The following ERBB4 variants were observed in gnomAD, a reference collection of about 807,000 sequenced individuals.
ERBB4 encodes the protein erb-b2 receptor tyrosine kinase 4.
ERBB4 carries 42 observed loss-of-function variants against 158.0 expected under a neutral mutation model. The ratio of observed to expected loss-of-function variants is 0.27; its 90% CI spans 0.21 to 0.34. ERBB4 has a LOEUF of 0.34. Among genes scored for constraint, ERBB4 ranks in the 10% least tolerant of loss-of-function variants. ERBB4 has a pLI of 1.00. For synonymous variants in ERBB4, 583 were observed against 558.7 expected (o/e 1.04, Z -0.61); for missense variants, 1,333 against 1,624.1 (o/e 0.82, Z 3.08).
At chr2:211,809,208 TG>T (rs2076691150) in intron 3 of ERBB4, among the ~76,000 whole-genome samples, 1 of 152,210 alleles carries the variant, frequency 6.6e-6, no homozygotes, top group East Asian at 1.9e-4. Context: ...CTTCATAAAA[TG>T]AATTAGGGAG....
intron 3 of ERBB4, among the ~76,000 whole-genome samples, chr2:211,932,976 T>C (rs1446556411): frequency 6.6e-6 from 1 of 152,008 alleles, no homozygotes; most frequent in Non-Finnish European, 1.5e-5. Context: ...CATAAAACGA[T>C]TGAATAGTTA....
intron 2 of ERBB4, among the ~76,000 whole-genome samples, chr2:211,964,718 C>T (rs187236412): frequency 3.9e-5 from 6 of 152,178 alleles, no homozygotes; most frequent in Admixed American, 3.9e-4. Flanking sequence ...CCTCAAATCC[C>T]TGTTAGAAAG....
chr2:211,697,557 A>T (rs2073070421), intron 12 of ERBB4, among the ~76,000 whole-genome samples: 1 of 152,192 alleles, frequency 6.6e-6, no homozygotes, highest in Non-Finnish European at 1.5e-5. Flanking sequence ...TTAATTTGTA[A>T]ATAGTTCTTT....
chr2:212,351,270 A>G (rs2089241007), intron 1 of ERBB4, among the ~76,000 whole-genome samples: 1 of 152,166 alleles, frequency 6.6e-6, no homozygotes, highest in Non-Finnish European at 1.5e-5. Context: ...AGCTACCCAC[A>G]AGACACAAGA....
At chr2:211,908,277 A>G (rs1420629697) in intron 3 of ERBB4, among the ~76,000 whole-genome samples, 2 of 151,810 alleles carry the variant, frequency 1.3e-5, no homozygotes, top group African/African-American at 2.4e-5. Flanking sequence ...TTCTGCAATT[A>G]GTTGATTTTC....
intron 20 of ERBB4, among the ~76,000 whole-genome samples, chr2:211,449,098 T>A (rs2125472332): frequency 6.6e-6 from 1 of 152,274 alleles, no homozygotes. Context: ...GTGTACCTCC[T>A]ACAAGAAGCT....
At chr2:211,801,051 T>C (rs983020732) in intron 3 of ERBB4, among the ~76,000 whole-genome samples, 1 of 152,214 alleles carries the variant, frequency 6.6e-6, no homozygotes, top group Non-Finnish European at 1.5e-5. Flanking sequence ...TATTCAAATG[T>C]GTAGGGCATT....
rs148980316 is a variant in ERBB4 at position 212,063,727 on chromosome 2, T to C, written c.234+61025A>G. Among the ~76,000 whole-genome samples the C allele has an allele frequency of 8.4e-4, 128 of 152,176 alleles. 1 individual carries two copies. Among genetic ancestry groups the C allele is most frequent in the Middle Eastern group, 3.4e-3 (1 of 294 alleles). On this transcript the variant is annotated intron_variant, in intron 2 of 27. Transcript: ENST00000342788. Reference sequence around the variant, plus strand: ...AATCAACGAAATAAACAAAAAGCCATAAATAGGTTAAATATAGGAACTATC... The same window carrying C: ...AATCAACGAAATAAACAAAAAGCCACAAATAGGTTAAATATAGGAACTATC...
chr2:212,403,799 G>A (rs939190270), intron 1 of ERBB4, among the ~76,000 whole-genome samples: 27 of 151,984 alleles, frequency 1.8e-4, no homozygotes, highest in Admixed American at 1.6e-3. Flanking sequence ...AAATTCTAAA[G>A]TTAATAATAA....
chr2:211,807,952 T>C (rs2076659169), intron 3 of ERBB4, among the ~76,000 whole-genome samples: 1 of 152,240 alleles, frequency 6.6e-6, no homozygotes, highest in Non-Finnish European at 1.5e-5. Flanking sequence ...TCATATCCTT[T>C]GCCCACTTTT....
chr2:212,318,185 C>A (rs1574668095), intron 1 of ERBB4, among the ~76,000 whole-genome samples: 1 of 151,490 alleles, frequency 6.6e-6, no homozygotes, highest in African/African-American at 2.4e-5. Context: ...GAGGGAAAGG[C>A]AGCCCTCAAA....
chr2:212,306,707 C>T (rs1280788864), intron 1 of ERBB4, among the ~76,000 whole-genome samples: 2 of 76,618 alleles, frequency 2.6e-5, no homozygotes, highest in East Asian at 9.4e-4. Flanking sequence ...ACATTTGGTG[C>T]TGCCACTTAT....
At position 211,657,748 on chromosome 2, in the gene ERBB4, T is replaced by C; in HGVS notation, c.1946+6A>G. Reference sequence around the variant, plus strand: ...AGCGACAAAATGGAAACATGGTAGATGTTACCTAGCATGTTGTGGTAAAGT... The same window carrying C: ...AGCGACAAAATGGAAACATGGTAGACGTTACCTAGCATGTTGTGGTAAAGT... On this transcript the variant is annotated splice_donor_region_variant and intron_variant, in intron 16 of 27. Coordinates refer to ENST00000342788, the MANE Select transcript of ERBB4 (RefSeq NM_005235.3). 7 of 1,608,740 alleles carry C rather than the reference T, an allele frequency of 4.4e-6. No individual in the cohort carries two copies. Among genetic ancestry groups the C allele is most frequent in the African/African-American group, 1.3e-5 (1 of 74,946 alleles).
At chr2:212,268,132 A>G (rs1383344723) in intron 1 of ERBB4, among the ~76,000 whole-genome samples, 1 of 151,888 alleles carries the variant, frequency 6.6e-6, no homozygotes, top group Non-Finnish European at 1.5e-5. Context: ...ACAAAAGCTG[A>G]GGCAGTTTGG....
intron 12 of ERBB4, among the ~76,000 whole-genome samples, chr2:211,695,168 T>C (rs567719338): frequency 8.5e-5 from 13 of 152,308 alleles, no homozygotes; most frequent in African/African-American, 2.9e-4. Context: ...TGATATACCT[T>C]CCATTCCCTA....
intron 25 of ERBB4, 135 bp from the exon 26 acceptor site, chr2:211,388,127 T>C: frequency 1.4e-6 from 1 of 718,468 alleles, no homozygotes; most frequent in Non-Finnish European, 2.5e-6. Context: ...CAGTGAAGCT[T>C]CCTAAGCAGC....
intron 1 of ERBB4, among the ~76,000 whole-genome samples, chr2:212,353,071 C>T (rs183667784): frequency 1.0e-3 from 156 of 152,072 alleles, no homozygotes; most frequent in African/African-American, 3.6e-3. Context: ...TCCCTACCCC[C>T]ACCTCACAAT....
At position 211,584,285 on chromosome 2, in the gene ERBB4, T is replaced by C. The variant is rs372337649; in HGVS notation, c.2302-22197A>G. ...TTGGGGTATTTTGTTTTTGTTGTTA[T>C]TGTTTATATTTCATAGGTGCATATA... On this transcript the variant is annotated intron_variant, in intron 19 of 27. Coordinates refer to ENST00000342788, the MANE Select transcript of ERBB4 (RefSeq NM_005235.3). Among the ~76,000 whole-genome samples the C allele has an allele frequency of 1.1e-3, 172 of 152,068 alleles. 2 individuals are homozygous for C. The highest frequency in any genetic ancestry group is 4.0e-3 in the African/African-American group (165 of 41,512).
In ERBB4 at chr2:211,713,552, G is replaced by T; in HGVS notation, c.980C>A (p.Thr327Asn). 6.2e-7 allele frequency: 1 copy of T among 1,605,624 alleles called. No homozygotes were observed. Among genetic ancestry groups the T allele is most frequent in the Non-Finnish European group, 8.5e-7 (1 of 1,172,756 alleles). ...CCACTCACCTTTTGGGCAAATGTCAGTGCAAGGTTTACACATTTTAATCCC... is the reference window on the plus strand; with the variant it reads ...CCACTCACCTTTTGGGCAAATGTCATTGCAAGGTTTACACATTTTAATCCC... ...ENGIKMCKPC[T>N]DICPKACDGI... Residue 327 changes from threonine (T) to asparagine (N), a missense_variant, in exon 8 of 28, where the codon ACT becomes AAT. By Grantham distance (65) the Thr-to-Asn change is moderately conservative. Transcript: ENST00000342788.
Sources: allele counts gnomAD v4.1 joint callset (sites outside exome capture counted in the v4.1 genomes callset), GRCh38; gene constraint gnomAD v4.1.1; transcripts MANE v1.5; gene names NCBI Gene and HGNC (gene_info 2026-07-23, HGNC 2026-07-21).